Variants in EHD4 observed in about 807,000 individuals in gnomAD.
EHD4 encodes the protein EH domain containing 4.
A neutral mutation model predicts 51.0 loss-of-function variants in EHD4; 37 were observed. The observed-to-expected ratio is 0.73, with a 90% CI of 0.56 to 0.95. The LOEUF (loss-of-function observed/expected upper bound fraction) is 0.95, where lower values mean the gene tolerates loss of function less well. EHD4 is among the 40% of genes least tolerant of loss of function. The pLI is 0.00. For missense variants in EHD4, 632 were observed against 733.1 expected (o/e 0.86, Z 1.59); for synonymous variants, 297 against 317.3 (o/e 0.94, Z 0.68).
At chr15:41,904,395 C>G (rs1402519684) in intron 5 of EHD4, among the ~76,000 whole-genome samples, 1 of 151,858 alleles carries the variant, frequency 6.6e-6, no homozygotes, top group African/African-American at 2.4e-5. Flanking sequence ...GCGGGGGCAC[C>G]AGTTAAACCA....
intron 2 of EHD4, among the ~76,000 whole-genome samples, chr15:41,945,687 T>C (rs1648854): frequency 0.66 from 100,583 of 152,170 alleles, 33,707 homozygotes; most frequent in Middle Eastern, 0.71. Context: ...CAACTGCATA[T>C]GAATGCATTC....
intron 5 of EHD4, among the ~76,000 whole-genome samples, chr15:41,906,822 A>C (rs1773470812): frequency 1.3e-5 from 2 of 152,146 alleles, no homozygotes; most frequent in Non-Finnish European, 2.9e-5. Flanking sequence ...CTATGTCAGC[A>C]CTTGGAGTGG....
rs985765177 is a variant in EHD4 at position 41,909,934 on chromosome 15, A to C, written c.925-71T>G. The C allele has an allele frequency of 1.9e-6, 3 of 1,577,852 alleles. No homozygotes were observed. The African/African-American group carries it at 4.0e-5, about 21-fold the overall frequency. ...TCAGAGAAGGAACAAACAAGATTGC[A>C]TCTTAACTCCATCATAACACATAAC... On this transcript the variant is annotated intron_variant, in intron 4 of 5. Transcript: ENST00000220325.
chr15:41,960,352 T>C (rs2067916830), intron 1 of EHD4, among the ~76,000 whole-genome samples: 2 of 152,220 alleles, frequency 1.3e-5, no homozygotes, highest in Admixed American at 1.3e-4. Flanking sequence ...TTCCATCCCA[T>C]CATTTTTCAG....
chr15:41,941,242 T>C (rs558511345), intron 3 of EHD4, among the ~76,000 whole-genome samples: 152 of 152,318 alleles, frequency 1.0e-3, no homozygotes, highest in African/African-American at 3.5e-3. Flanking sequence ...AAATGAACTA[T>C]ATTATGTCAC....
At chr15:41,905,176 C>A (rs2067504416) in intron 5 of EHD4, among the ~76,000 whole-genome samples, 1 of 152,240 alleles carries the variant, frequency 6.6e-6, no homozygotes, top group South Asian at 2.1e-4. Context: ...ACGCGCCCCT[C>A]AAAGCTTCCG....
At chr15:41,933,800 A>C (rs1293249947) in intron 3 of EHD4, among the ~76,000 whole-genome samples, 1 of 152,186 alleles carries the variant, frequency 6.6e-6, no homozygotes, top group Non-Finnish European at 1.5e-5. Flanking sequence ...CTTTATTTTC[A>C]TTAGGGGTTC....
Position 41,958,552 on chromosome 15 carries a change from G to A in EHD4, c.237-4612C>T, listed in dbSNP as rs1226411109. 3.3e-5 allele frequency among the ~76,000 whole-genome samples: 5 copies of A among 151,764 alleles called. No homozygotes were observed. In the East Asian group the frequency reaches 9.7e-4, roughly 29 times the overall value. ...ATTTTTTTTTTCACTTCATAGAAGT[G>A]AATGTCATTTATGACAAGGGGAAGA... On this transcript the variant is annotated intron_variant, in intron 1 of 5. Coordinates refer to ENST00000220325, the MANE Select transcript of EHD4 (RefSeq NM_139265.4).
At chr15:41,963,264 C>G (rs530131452) in intron 1 of EHD4, among the ~76,000 whole-genome samples, 10 of 146,484 alleles carry the variant, frequency 6.8e-5, no homozygotes, top group Non-Finnish European at 1.3e-4. Flanking sequence ...ATCCCCCCCT[C>G]GGAGAAACAC....
intron 1 of EHD4, among the ~76,000 whole-genome samples, chr15:41,962,235 T>G (rs2067928848): frequency 6.6e-6 from 1 of 152,248 alleles, no homozygotes; most frequent in East Asian, 1.9e-4. Context: ...GATTTTTTTT[T>G]GTTTGTTTTG....
chr15:41,949,793 T>A (rs2067840921), intron 2 of EHD4, among the ~76,000 whole-genome samples: 1 of 152,118 alleles, frequency 6.6e-6, no homozygotes, highest in Non-Finnish European at 1.5e-5. Flanking sequence ...CACATTACCA[T>A]TTTTTAGAAA....
At chr15:41,951,820 T>TC (rs1312155693) in intron 2 of EHD4, among the ~76,000 whole-genome samples, 3 of 152,176 alleles carry the variant, frequency 2.0e-5, no homozygotes, top group Non-Finnish European at 4.4e-5. Context: ...TAACCCCCTC[T>TC]CCCACAATGA....
At chr15:41,906,412 C>A (rs1231006032) in intron 5 of EHD4, among the ~76,000 whole-genome samples, 1 of 152,224 alleles carries the variant, frequency 6.6e-6, no homozygotes, top group Non-Finnish European at 1.5e-5. Context: ...CCCCTCTTCA[C>A]TGAGAGTTGT....
chr15:41,925,795 A>AG (rs1342979914), intron 3 of EHD4, among the ~76,000 whole-genome samples: 1 of 152,090 alleles, frequency 6.6e-6, no homozygotes, highest in Non-Finnish European at 1.5e-5. Context: ...GAACAAAAGG[A>AG]GGGGGCAGGA....
At chr15:41,923,025 A>G (rs2067637642) in intron 3 of EHD4, among the ~76,000 whole-genome samples, 1 of 152,174 alleles carries the variant, frequency 6.6e-6, no homozygotes, top group African/African-American at 2.4e-5. Context: ...ACCTCCCCCT[A>G]CAAAGTTAGG....
intron 5 of EHD4, among the ~76,000 whole-genome samples, chr15:41,905,160 C>G (rs961818799): frequency 4.6e-5 from 7 of 152,222 alleles, no homozygotes; most frequent in African/African-American, 1.7e-4. Context: ...AGGCCCTAAC[C>G]CACACACGCG....
Position 41,896,302 on chromosome 15 carries a change from C to T in EHD4, c.*4343G>A, listed in dbSNP as rs2067438167. The T allele has an allele frequency of 6.6e-6, 1 of 152,286 alleles. No individual in the cohort carries two copies. Among genetic ancestry groups the T allele is most frequent in the Non-Finnish European group, 1.5e-5 (1 of 68,096 alleles). 9.4% of individuals were successfully genotyped at this position (152,286 alleles called of 1,614,324 possible). A position where few individuals can be genotyped will look rare whatever the true frequency, so the allele number is the denominator to read the frequency against. On this transcript the variant is annotated 3_prime_UTR_variant, in exon 6 of 6. Transcript: ENST00000220325. The stretch of plus-strand genomic sequence containing the variant: ...GCCAGGCTGACCTCCCTCCCCTGAC[C>T]CCAGCAGCTCTGGACACCCCTCTCA...
chr15:41,904,202 C>A (rs973659727), intron 5 of EHD4, among the ~76,000 whole-genome samples: 2 of 152,204 alleles, frequency 1.3e-5, no homozygotes, highest in African/African-American at 4.8e-5. Context: ...CCTGCCCAAA[C>A]TTCCCACCAG....
intron 3 of EHD4, chr15:41,942,011 C>G (rs1295111176): frequency 2.0e-5 from 3 of 152,254 alleles, no homozygotes; most frequent in African/African-American, 7.2e-5. Context: ...AGTTCTCAGC[C>G]AGAAGTGATG....
Sources: allele counts gnomAD v4.1 joint callset (sites outside exome capture counted in the v4.1 genomes callset), GRCh38; gene constraint gnomAD v4.1.1; transcripts MANE v1.5; gene names NCBI Gene and HGNC (gene_info 2026-07-23, HGNC 2026-07-21).